Variants in PTPRE observed in about 807,000 individuals in gnomAD.
PTPRE encodes receptor-type tyrosine-protein phosphatase epsilon.
A neutral mutation model predicts 102.0 loss-of-function variants in PTPRE; 51 were observed. The observed-to-expected ratio is 0.50, with a 90% CI of 0.40 to 0.63. PTPRE has a LOEUF of 0.63. Ranked by LOEUF, PTPRE falls within the 30% of genes least tolerant of loss-of-function variation. The pLI, the probability that PTPRE is intolerant of heterozygous loss-of-function variation, is 0.00. For synonymous variants in PTPRE, 345 were observed against 348.2 expected (o/e 0.99, Z 0.10); for missense variants, 752 against 915.1 (o/e 0.82, Z 2.30).
At chr10:127,945,596 A>T (rs941084702) in intron 1 of PTPRE, among the ~76,000 whole-genome samples, 1 of 152,192 alleles carries the variant, frequency 6.6e-6, no homozygotes, top group African/African-American at 2.4e-5. Context: ...CTGTTATGAC[A>T]TGTTCTCAGG....
chr10:128,069,900 C>T, intron 13 of PTPRE, 73 bp downstream of exon 13: 1 of 1,606,482 alleles, frequency 6.2e-7, no homozygotes, highest in Non-Finnish European at 8.5e-7. Flanking sequence ...CACAGGTGTG[C>T]AGGGCCCTGG....
At chr10:127,987,434 G>T in intron 2 of PTPRE, 1 of 1,010,438 alleles carries the variant, frequency 9.9e-7, no homozygotes, top group Non-Finnish European at 1.3e-6. Context: ...TGTCTCTTTG[G>T]TTTTGTGTCA....
chr10:128,067,581 C>T (rs1265999765), intron 11 of PTPRE, among the ~76,000 whole-genome samples: 4 of 152,360 alleles, frequency 2.6e-5, no homozygotes, highest in East Asian at 3.9e-4. Flanking sequence ...CTTCCAAATA[C>T]GCTGTGTATC....
chr10:128,041,751 A>G (rs1220417506), intron 3 of PTPRE, among the ~76,000 whole-genome samples: 1 of 151,818 alleles, frequency 6.6e-6, no homozygotes, highest in Non-Finnish European at 1.5e-5. Flanking sequence ...TTGCCTTTTG[A>G]CATGCCTGCT....
chr10:128,085,090 C>G lies in PTPRE; in HGVS notation c.*2184C>G. On this transcript the variant is annotated 3_prime_UTR_variant, in exon 21 of 21. Transcript: ENST00000254667. ...CATTCCAGGAACAAAGGAGAAGCCA[C>G]TTTCCCCAGGACGCAAGACTCTCCC... 1 of 456,174 alleles carries G rather than the reference C, an allele frequency of 2.2e-6. No homozygotes were observed. Among genetic ancestry groups the G allele is most frequent in the Non-Finnish European group, 4.4e-6 (1 of 226,912 alleles). 28.3% of individuals were successfully genotyped at this position (456,174 alleles called of 1,614,324 possible).
intron 20 of PTPRE, among the ~76,000 whole-genome samples, chr10:128,082,461 T>G (rs1851808992): frequency 6.6e-6 from 1 of 151,960 alleles, no homozygotes; most frequent in Non-Finnish European, 1.5e-5. Flanking sequence ...GTGATCCTCC[T>G]GCCTCAGCCT....
intron 2 of PTPRE, among the ~76,000 whole-genome samples, chr10:128,033,668 G>A (rs1169403525): frequency 6.6e-6 from 1 of 152,186 alleles, no homozygotes; most frequent in Non-Finnish European, 1.5e-5. Context: ...TATTCAAGAT[G>A]GAGTGTCGCT....
intron 1 of PTPRE, among the ~76,000 whole-genome samples, chr10:127,923,743 G>A (rs1846795443): frequency 6.6e-6 from 1 of 152,192 alleles, no homozygotes. Context: ...CCAGCCCAGT[G>A]TGGAGACACA....
chr10:128,016,368 C>T (rs932295466), intron 2 of PTPRE, among the ~76,000 whole-genome samples: 2 of 152,166 alleles, frequency 1.3e-5, no homozygotes, highest in African/African-American at 4.8e-5. Context: ...CCAGGCACCC[C>T]CAGCCCCCAG....
intron 1 of PTPRE, among the ~76,000 whole-genome samples, chr10:127,950,318 A>T (rs778792685): frequency 1.3e-5 from 2 of 152,092 alleles, no homozygotes; most frequent in Non-Finnish European, 2.9e-5. Flanking sequence ...GGAGGGGCTC[A>T]GTTTGTTTTA....
chr10:127,983,530 G>A (rs901928171), intron 2 of PTPRE, among the ~76,000 whole-genome samples: 2 of 152,122 alleles, frequency 1.3e-5, no homozygotes, highest in South Asian at 4.1e-4. Flanking sequence ...AGGGGTGTTG[G>A]CTGGTCGATA....
At chr10:128,049,263 G>C (rs561079219) in intron 5 of PTPRE, among the ~76,000 whole-genome samples, 18 of 152,200 alleles carry the variant, frequency 1.2e-4, no homozygotes, top group Admixed American at 1.0e-3. Flanking sequence ...GGCCTCGGGA[G>C]GGGGACAGGC....
At chr10:128,081,893 A>G (rs1851739297) in intron 20 of PTPRE, among the ~76,000 whole-genome samples, 1 of 152,218 alleles carries the variant, frequency 6.6e-6, no homozygotes, top group Non-Finnish European at 1.5e-5. Flanking sequence ...CTTTCCACCC[A>G]AAAGCATTTA....
chr10:128,029,532 G>A (rs758905278), intron 2 of PTPRE, among the ~76,000 whole-genome samples: 10 of 152,320 alleles, frequency 6.6e-5, no homozygotes, highest in Admixed American at 2.0e-4. Context: ...TGGGAGAACC[G>A]AGTCAGGATG....
At chr10:127,923,263 A>C (rs1433439470) in intron 1 of PTPRE, among the ~76,000 whole-genome samples, 1 of 152,166 alleles carries the variant, frequency 6.6e-6, no homozygotes, top group East Asian at 1.9e-4. Context: ...GGCTTCCCAG[A>C]AGCAGACAGA....
intron 1 of PTPRE, chr10:127,934,284 G>A (rs1181046151): frequency 5.9e-5 from 9 of 152,176 alleles, no homozygotes; most frequent in Non-Finnish European, 1.3e-4. Flanking sequence ...TCACCGTTGA[G>A]AGCCTGAATG....
Position 127,907,286 on chromosome 10 carries a change from C to G in PTPRE, c.-54C>G. On this transcript the variant is annotated 5_prime_UTR_variant, in exon 1 of 21. Transcript: ENST00000254667. This position sits in a 1 kb window ranked among gnomAD's most constrained non-coding sequence, Gnocchi z 4.8. ...GGAGCCTCCGCTGCAGCGCGATCTG[C>G]GCGACCAGACCGGCCCCCCCGAGGT... 1.0e-6 allele frequency: 1 copy of G among 984,682 alleles called. No individual in the cohort carries two copies. Among genetic ancestry groups the G allele is most frequent in the Non-Finnish European group, 1.2e-6 (1 of 829,724 alleles). 61.0% of individuals were successfully genotyped at this position (984,682 alleles called of 1,614,324 possible).
In PTPRE at chr10:128,065,980, C is replaced by T; in HGVS notation, c.724-95C>T. The T allele has an allele frequency of 2.6e-6, 4 of 1,558,592 alleles. No homozygotes were observed. In the Admixed American group the frequency reaches 6.7e-5, roughly 26 times the overall value. ...AGCTGTGGGAGCTGTGTGACTCCAG[C>T]TGGTGTGTGTGAGGCCTTCTGTAGT... On this transcript the variant is annotated intron_variant, in intron 10 of 20. Transcript: ENST00000254667.
intron 1 of PTPRE, among the ~76,000 whole-genome samples, chr10:127,928,887 A>G (rs1847218834): frequency 6.6e-6 from 1 of 152,248 alleles, no homozygotes; most frequent in Non-Finnish European, 1.5e-5. Flanking sequence ...GGCCATGGTC[A>G]GTTGCCTTTC....
Sources: gnomAD v4.1 joint callset for allele counts (sites outside exome capture counted in the v4.1 genomes callset) on GRCh38, gnomAD v4.1.1 for gene constraint, Gnocchi (gnomAD v3.1) non-coding constraint, MANE v1.5 for transcripts, NCBI Gene and HGNC (gene_info 2026-07-23, HGNC 2026-07-21) for gene names.